MAP3K7CL: variants seen among roughly 807,000 people sequenced by gnomAD.
The protein encoded by MAP3K7CL is MAP3K7 C-terminal-like protein.
A neutral mutation model predicts 18.6 loss-of-function variants in MAP3K7CL; 16 were observed. That is an observed-to-expected ratio of 0.86 (90% CI 0.58 to 1.31). The LOEUF (loss-of-function observed/expected upper bound fraction) is 1.31. Among genes scored for constraint, MAP3K7CL ranks in the 50% most tolerant of loss-of-function variants. The pLI, the probability that MAP3K7CL is intolerant of heterozygous loss-of-function variation, is 0.00. For synonymous variants in MAP3K7CL, 65 were observed against 66.8 expected (o/e 0.97, Z 0.13); for missense variants, 163 against 174.4 (o/e 0.93, Z 0.37).
At chr21:29,077,308 G>A (rs907753445), upstream of MAP3K7CL, among the ~76,000 whole-genome samples, 4 of 152,372 alleles carry the variant, frequency 2.6e-5, no homozygotes, top group African/African-American at 9.6e-5. Context: ...TGCCCTGCAG[G>A]AAGACAGCTA....
intron 4 of MAP3K7CL, among the ~76,000 whole-genome samples, chr21:29,165,965 A>AT (rs1196640970): frequency 1.3e-5 from 2 of 152,222 alleles, no homozygotes; most frequent in Non-Finnish European, 2.9e-5. Context: ...AATCAGTGTA[A>AT]TTAGCGTATT....
At chr21:29,083,258 T>C (rs1316085803), upstream of MAP3K7CL, among the ~76,000 whole-genome samples, 1 of 152,192 alleles carries the variant, frequency 6.6e-6, no homozygotes, top group East Asian at 1.9e-4. Context: ...AATGCCTAAT[T>C]GCAAAAATTT....
intron 3 of MAP3K7CL, among the ~76,000 whole-genome samples, chr21:29,154,977 G>A (rs896737843): frequency 2.0e-5 from 3 of 152,188 alleles, no homozygotes; most frequent in Non-Finnish European, 4.4e-5. Flanking sequence ...TTTTGATATT[G>A]TTTATGTCAA....
At chr21:29,108,722 C>T (rs1373975292) in intron 4 of MAP3K7CL, among the ~76,000 whole-genome samples, 1 of 152,294 alleles carries the variant, frequency 6.6e-6, no homozygotes, top group East Asian at 1.9e-4. Context: ...GGTGCCATCT[C>T]ACAGCACTGT....
chr21:29,119,991 T>G (rs1278249653), intron 4 of MAP3K7CL, among the ~76,000 whole-genome samples: 2 of 152,168 alleles, frequency 1.3e-5, no homozygotes, highest in Non-Finnish European at 2.9e-5. Context: ...GATTGATAGT[T>G]TGGTCAGATA....
At chr21:29,095,298 C>T (rs2086103165) in intron 4 of MAP3K7CL, among the ~76,000 whole-genome samples, 1 of 152,134 alleles carries the variant, frequency 6.6e-6, no homozygotes, top group Admixed American at 6.5e-5. Flanking sequence ...GACTCCACGC[C>T]TTTCTACTCC....
intron 4 of MAP3K7CL, among the ~76,000 whole-genome samples, chr21:29,093,943 A>G (rs978156238): frequency 3.9e-5 from 6 of 152,242 alleles, no homozygotes; most frequent in Admixed American, 2.0e-4. Flanking sequence ...GGAGCAAATG[A>G]CTTATATGTG....
At chr21:29,129,576 C>A (rs1367737655), upstream of MAP3K7CL, among the ~76,000 whole-genome samples, 1 of 152,096 alleles carries the variant, frequency 6.6e-6, no homozygotes, top group African/African-American at 2.4e-5. Context: ...ATTTATTTAC[C>A]TATTGAAGAA....
At chr21:29,132,510 T>G (rs548195813) in intron 1 of MAP3K7CL, among the ~76,000 whole-genome samples, 2 of 152,186 alleles carry the variant, frequency 1.3e-5, no homozygotes, top group Admixed American at 6.5e-5. Context: ...TTGGTATTCT[T>G]TATTTATTTA....
chr21:29,138,551 C>T (rs1450208257), intron 2 of MAP3K7CL, among the ~76,000 whole-genome samples: 1 of 152,186 alleles, frequency 6.6e-6, no homozygotes, highest in Non-Finnish European at 1.5e-5. Flanking sequence ...AACTGGCATG[C>T]TCCTTGTAAA....
intron 4 of MAP3K7CL, among the ~76,000 whole-genome samples, chr21:29,103,226 T>C (rs1241285533): frequency 6.6e-6 from 1 of 152,100 alleles, no homozygotes; most frequent in Non-Finnish European, 1.5e-5. Context: ...AACAGCACAG[T>C]TGAGTAATTG....
At chr21:29,147,605 T>C (rs1295136207) in intron 2 of MAP3K7CL, among the ~76,000 whole-genome samples, 1 of 151,864 alleles carries the variant, frequency 6.6e-6, no homozygotes, top group Non-Finnish European at 1.5e-5. Flanking sequence ...TGTATGTATA[T>C]GTGTACTGTA....
At chr21:29,087,212 G>A (rs373542028) in intron 1 of MAP3K7CL, among the ~76,000 whole-genome samples, 1 of 152,022 alleles carries the variant, frequency 6.6e-6, no homozygotes. Flanking sequence ...ATTAAATCTC[G>A]TCTCCCCAGA....
chr21:29,136,306 G>A (rs1336659419), intron 2 of MAP3K7CL, among the ~76,000 whole-genome samples: 1 of 152,174 alleles, frequency 6.6e-6, no homozygotes, highest in Non-Finnish European at 1.5e-5. Context: ...AGCTGTGCAT[G>A]CCTTTTGAAT....
chr21:29,131,553 T>A, intron 1 of MAP3K7CL: 1 of 152,176 alleles, frequency 6.6e-6, no homozygotes, highest in East Asian at 1.9e-4. Flanking sequence ...AAATAACAGA[T>A]ATTTTATATT....
chr21:29,107,252 T>G (rs1239985165), intron 4 of MAP3K7CL, among the ~76,000 whole-genome samples: 1 of 151,804 alleles, frequency 6.6e-6, no homozygotes, highest in Admixed American at 6.6e-5. Flanking sequence ...GAGGCGGAGG[T>G]TGCAGTGAGC....
Position 29,090,388 on chromosome 21 carries a change from G to T in MAP3K7CL, c.58-1113G>T, listed in dbSNP as rs554606323. On this transcript the variant is annotated intron_variant, in intron 1 of 6. Transcript: ENST00000286791. ...ATTAGCTTCTTTGTTTTGTTTTGTT[G>T]TTTTTTTTTTGAGACAGAGGCTCAC... Among the ~76,000 whole-genome samples, 4 of 148,724 alleles carry T rather than the reference G, an allele frequency of 2.7e-5. No individual in the cohort carries two copies. The South Asian group carries it at 6.4e-4, about 24-fold the overall frequency.
chr21:29,109,573 A>G (rs2086384007), intron 4 of MAP3K7CL: 2 of 1,017,370 alleles, frequency 2.0e-6, no homozygotes, highest in African/African-American at 1.7e-5. Context: ...TTTTTGATTT[A>G]TAAACTGCAC....
chr21:29,173,323 T>C (rs1293172664), intron 4 of MAP3K7CL, among the ~76,000 whole-genome samples: 4 of 152,222 alleles, frequency 2.6e-5, no homozygotes, highest in Non-Finnish European at 4.4e-5. Context: ...TTTATGTAGA[T>C]CTTCTTTTAA....
Sources: gnomAD v4.1 joint callset for allele counts (sites outside exome capture counted in the v4.1 genomes callset) on GRCh38, gnomAD v4.1.1 for gene constraint, MANE v1.5 for transcripts, NCBI Gene and HGNC (gene_info 2026-07-23, HGNC 2026-07-21) for gene names.